MS4A4E: variants seen among roughly 807,000 people sequenced by gnomAD.
MS4A4E encodes the protein putative membrane-spanning 4-domains subfamily A member 4E.
A neutral mutation model predicts 13.3 loss-of-function variants in MS4A4E; 23 were observed. The observed-to-expected ratio is 1.73, with a 90% CI of 1.25 to 2.45. The LOEUF is 2.45. Among genes scored for constraint, MS4A4E ranks in the 30% most tolerant of loss-of-function variants. The pLI is 0.00. For synonymous variants in MS4A4E, 36 were observed against 45.6 expected (o/e 0.79, Z 0.85); for missense variants, 144 against 131.2 (o/e 1.10, Z -0.48).
At chr11:60,237,934 G>C (rs866063704) in intron 1 of MS4A4E, among the ~76,000 whole-genome samples, 1 of 151,828 alleles carries the variant, frequency 6.6e-6, no homozygotes, top group African/African-American at 2.4e-5. Context: ...TGAGGCATTC[G>C]TGGTGGCTTT....
Position 60,205,904 on chromosome 11 carries a change from TTTGA to T in MS4A4E, c.484-88_484-85del, listed in dbSNP as rs566112516. Among the ~76,000 whole-genome samples, 126 of 152,202 alleles carry T rather than the reference TTTGA, an allele frequency of 8.3e-4. 1 individual carries two copies. Among genetic ancestry groups the T allele is most frequent in the Non-Finnish European group, 1.3e-3 (86 of 67,992 alleles). On this transcript the variant is annotated intron_variant, in intron 6 of 8. Transcript: ENST00000651255. Reference sequence around the variant, plus strand: ...TTCCATATGTGACACAGGATACACATTTGATTAAGATATAATTCTGCCCAGCAGA... The same window carrying T: ...TTCCATATGTGACACAGGATACACATTTAAGATATAATTCTGCCCAGCAGA...
intron 1 of MS4A4E, among the ~76,000 whole-genome samples, chr11:60,233,220 C>A (rs2084435230): frequency 6.6e-6 from 1 of 152,158 alleles, no homozygotes; most frequent in Non-Finnish European, 1.5e-5. Flanking sequence ...CCATGCCCTA[C>A]CATCCCAGGG....
At chr11:60,209,804 A>G (rs57733268) in intron 5 of MS4A4E, among the ~76,000 whole-genome samples, 1 of 152,220 alleles carries the variant, frequency 6.6e-6, no homozygotes, top group Non-Finnish European at 1.5e-5. Flanking sequence ...ATGGTTAGGG[A>G]TAGTCCCTCT....
At chr11:60,238,984 C>T (rs1313168696) in intron 1 of MS4A4E, among the ~76,000 whole-genome samples, 4 of 152,190 alleles carry the variant, frequency 2.6e-5, no homozygotes, top group African/African-American at 2.4e-5. Flanking sequence ...TATGTCCACA[C>T]AAAAACTTGT....
At position 60,229,958 on chromosome 11, in the gene MS4A4E, T is replaced by A; in HGVS notation, c.98A>T (p.Lys33Ile). The change falls in exon 2 of 9, where the codon AAA (lysine) becomes ATA (isoleucine). Residue 33 changes from lysine to isoleucine, a missense_variant. By Grantham distance (102) the Lys-to-Ile change is moderately radical. Transcript: ENST00000651255. ...CTTGAAGAACTTCTCTTGCAATCCT[T>A]TACACAGATATGAATGTATGACATC... ...NIDVIHSYLC[K>I]GLQEKFFKRK... The A allele has an allele frequency of 1.2e-6, 2 of 1,613,420 alleles. No individual in the cohort carries two copies. The highest frequency in any genetic ancestry group is 1.7e-6 in the Non-Finnish European group (2 of 1,179,648).
intron 3 of MS4A4E, among the ~76,000 whole-genome samples, chr11:60,217,853 A>G (rs1349578443): frequency 6.6e-6 from 1 of 152,208 alleles, no homozygotes; most frequent in Non-Finnish European, 1.5e-5. Context: ...CACAAATTGT[A>G]CAGCATGTGT....
chr11:60,212,056 C>T (rs2084128889), intron 5 of MS4A4E, among the ~76,000 whole-genome samples: 1 of 152,140 alleles, frequency 6.6e-6, no homozygotes, highest in African/African-American at 2.4e-5. Context: ...ACTTTTATTA[C>T]TTACAAAATG....
intron 1 of MS4A4E, 102 bp from the exon 2 acceptor site, chr11:60,230,173 A>G: frequency 1.6e-6 from 2 of 1,261,220 alleles, no homozygotes; most frequent in South Asian, 1.7e-5. Flanking sequence ...CCTGGTCTAC[A>G]TTCCCCTCCA....
rs1358415779 is a variant in MS4A4E, at chr11:60,201,721, G to C, written c.818C>G (p.Ser273Cys). 1 of 243,228 alleles carries C rather than the reference G, an allele frequency of 4.1e-6. No homozygotes were observed. Among genetic ancestry groups the C allele is most frequent in the Non-Finnish European group, 8.5e-6 (1 of 118,172 alleles). 15.1% of individuals were successfully genotyped at this position (243,228 alleles called of 1,614,324 possible). A position where few individuals can be genotyped will look rare whatever the true frequency, so the allele number is the denominator to read the frequency against. ...RHPVWEVRSV[S>C]AWPPIVWDVR... ...GTCCCAGACGATAGGCGGCCAGGCAGAGACGCTCCTCACTTCCCAGACGGG... is the reference window on the plus strand; with the variant it reads ...GTCCCAGACGATAGGCGGCCAGGCACAGACGCTCCTCACTTCCCAGACGGG... The change falls in exon 9 of 9, where the codon TCT becomes TGT. Residue 273 changes from serine to cysteine, a missense_variant. Coordinates refer to ENST00000651255, the MANE Select transcript of MS4A4E (RefSeq NM_001393391.1).
chr11:60,206,151 G>A (rs1201130188), intron 6 of MS4A4E, among the ~76,000 whole-genome samples: 1 of 152,044 alleles, frequency 6.6e-6, no homozygotes. Flanking sequence ...GAAGGAAAAA[G>A]CACTTTGGTC....
In MS4A4E at chr11:60,213,128, C is replaced by G. The variant is rs2084146327; in HGVS notation, c.227G>C (p.Gly76Ala). 3 of 693,758 alleles carry G rather than the reference C, an allele frequency of 4.3e-6. No homozygotes were observed. In the Admixed American group the frequency reaches 8.4e-5, roughly 19 times the overall value. The allele number at this position is 693,758 out of a possible 1,614,324, so 43.0% of individuals were successfully genotyped here. A position where few individuals can be genotyped will look rare whatever the true frequency, so the allele number is the denominator to read the frequency against. Residue 76 changes from glycine (G) to alanine (A), a missense_variant, in exon 5 of 9, where the codon GGA (glycine) becomes GCA (alanine). Around this residue, in one of 3 missense-constraint regions of MS4A4E, gnomAD observed 119 missense variants for 88.7 expected, o/e 1.34. Transcript: ENST00000651255. ...AGIRTTKGLV[G>A]GSLGKNITSS... is the part of the protein sequence containing the mutation. The stretch of plus-strand genomic sequence containing the variant: ...GGTGATATTCTTTCCTAGACTACCT[C>G]CAACCTAGAAAGAAATGAAAATTAA...
chr11:60,210,240 T>C (rs2134922782), intron 5 of MS4A4E, among the ~76,000 whole-genome samples: 2 of 152,348 alleles, frequency 1.3e-5, no homozygotes, highest in Middle Eastern at 6.8e-3. Flanking sequence ...AAACATAGCA[T>C]GTATATAGAC....
At chr11:60,208,489 A>C in intron 6 of MS4A4E, 104 bp downstream of exon 6, 1 of 347,292 alleles carries the variant, frequency 2.9e-6, no homozygotes. Flanking sequence ...ATGGAAACTG[A>C]AATATAATGA....
At chr11:60,220,858 T>C (rs1590716504) in intron 3 of MS4A4E, among the ~76,000 whole-genome samples, 1 of 152,146 alleles carries the variant, frequency 6.6e-6, no homozygotes, top group Non-Finnish European at 1.5e-5. Context: ...CCTGGGGGTG[T>C]TACTTGGCCC....
At chr11:60,205,586 C>T (rs588084) in intron 7 of MS4A4E, among the ~76,000 whole-genome samples, 128 bp downstream of exon 7, 60,944 of 152,012 alleles carry the variant, frequency 0.4, 12,663 homozygotes, top group East Asian at 0.41. Flanking sequence ...TACTATTTTG[C>T]TGAAGAGAAA....
chr11:60,227,128 TAA>T (rs35328195), intron 3 of MS4A4E, among the ~76,000 whole-genome samples: 2 of 151,966 alleles, frequency 1.3e-5, no homozygotes, highest in African/African-American at 2.4e-5. Context: ...AAGAGAAACT[TAA>T]AAAAAAATAA....
At chr11:60,239,467 A>G (rs1055168564) in intron 1 of MS4A4E, among the ~76,000 whole-genome samples, 1 of 152,172 alleles carries the variant, frequency 6.6e-6, no homozygotes, top group Non-Finnish European at 1.5e-5. Flanking sequence ...ACCCTGCTCC[A>G]ACCTGTCCTG....
At chr11:60,214,815 G>A (rs1034503720) in intron 3 of MS4A4E, among the ~76,000 whole-genome samples, 10 of 152,036 alleles carry the variant, frequency 6.6e-5, no homozygotes, top group South Asian at 2.1e-4. Flanking sequence ...TGAGTCCACC[G>A]GATAATTTAT....
At chr11:60,239,695 T>C (rs938040131) in intron 1 of MS4A4E, among the ~76,000 whole-genome samples, 2 of 152,236 alleles carry the variant, frequency 1.3e-5, no homozygotes, top group Non-Finnish European at 2.9e-5. Flanking sequence ...CTCTTCCTCT[T>C]GTAATCTCTG....
Sources: gnomAD v4.1 joint callset for allele counts (sites outside exome capture counted in the v4.1 genomes callset) on GRCh38, gnomAD v4.1.1 for gene constraint, gnomAD v4.1.1 regional missense constraint, MANE v1.5 for transcripts, NCBI Gene and HGNC (gene_info 2026-07-23, HGNC 2026-07-21) for gene names.